The following CDKN3 variants were observed in gnomAD, a reference collection of about 807,000 sequenced individuals.
CDKN3 encodes cyclin-dependent kinase inhibitor 3.
In CDKN3, 19 loss-of-function variants were observed where a neutral mutation model predicts 36.1. The observed-to-expected ratio is 0.53, with a 90% CI of 0.37 to 0.77. CDKN3 has a LOEUF of 0.77. Ranked by LOEUF, CDKN3 falls within the 30% of genes least tolerant of loss-of-function variation. CDKN3 has a pLI of 0.00. For missense variants in CDKN3, 188 were observed against 248.6 expected (o/e 0.76, Z 1.64); for synonymous variants, 71 against 85.3 (o/e 0.83, Z 0.92).
intron 3 of CDKN3, among the ~76,000 whole-genome samples, chr14:54,406,440 A>G (rs898543618): frequency 1.3e-5 from 2 of 152,134 alleles, no homozygotes; most frequent in Non-Finnish European, 2.9e-5. Flanking sequence ...GTGTTTTCCA[A>G]CTTGGTTCCA....
Position 54,419,988 on chromosome 14 carries a change from T to C in CDKN3, c.553-4T>C. The C allele has an allele frequency of 6.3e-7, 1 of 1,577,242 alleles. No individual in the cohort carries two copies. The highest frequency in any genetic ancestry group is 8.7e-7 in the Non-Finnish European group (1 of 1,146,950). ...GTATTCCAATGTATCTTTACTTTTT[T>C]CAGCAATACAATTATCTTCATGAGT... On this transcript the variant is annotated splice_region_variant and splice_polypyrimidine_tract_variant and intron_variant, in intron 7 of 7. Coordinates refer to ENST00000335183, the MANE Select transcript of CDKN3 (RefSeq NM_005192.4).
intron 4 of CDKN3, among the ~76,000 whole-genome samples, chr14:54,409,882 C>T (rs1032091737): frequency 2.7e-5 from 4 of 149,580 alleles, no homozygotes; most frequent in Non-Finnish European, 6.0e-5. Context: ...CAGAGCAAGA[C>T]CCTGCCTCAA....
At chr14:54,413,647 C>A (rs2030434925) in intron 5 of CDKN3, 2 of 1,535,370 alleles carry the variant, frequency 1.3e-6, no homozygotes, top group African/African-American at 2.7e-5. Context: ...TATTTTCTAT[C>A]CATTCTGCCA....
At chr14:54,419,653 AG>A (rs1022461199) in intron 7 of CDKN3, among the ~76,000 whole-genome samples, 13 of 152,280 alleles carry the variant, frequency 8.5e-5, no homozygotes, top group African/African-American at 3.1e-4. Flanking sequence ...CCTTCTTACC[AG>A]GGGGGAAAAA....
chr14:54,408,706 A>G (rs1212170824), intron 3 of CDKN3, 39 bp from the exon 4 acceptor site: 1 of 1,558,112 alleles, frequency 6.4e-7, no homozygotes. Flanking sequence ...ACATATGACG[A>G]AAAACTGACT....
chr14:54,401,496 A>G lies in CDKN3; in HGVS notation c.93-28A>G, dbSNP rs758701372. On this transcript the variant is annotated intron_variant, in intron 2 of 7. Coordinates refer to ENST00000335183, the MANE Select transcript of CDKN3 (RefSeq NM_005192.4). ...TTTATAACTTTTTAAAAACTTAACT[A>G]AACATGAAAAATTTTTCTTCTTTTC... 7.0e-6 allele frequency: 11 copies of G among 1,561,302 alleles called. No homozygotes were observed. In the East Asian group the frequency reaches 2.2e-4, roughly 32 times the overall value.
At chr14:54,400,181 CT>C (rs56022133) in intron 2 of CDKN3, among the ~76,000 whole-genome samples, 143 of 137,142 alleles carry the variant, frequency 1.0e-3, no homozygotes, top group East Asian at 1.3e-3. Flanking sequence ...GAATAAGACC[CT>C]TTTTTTTTTT....
intron 3 of CDKN3, among the ~76,000 whole-genome samples, chr14:54,406,453 C>T (rs996797623): frequency 6.6e-6 from 1 of 152,132 alleles, no homozygotes; most frequent in African/African-American, 2.4e-5. Flanking sequence ...TGGTTCCATT[C>T]TCCCCGTCAC....
In CDKN3 at chr14:54,419,986, T is replaced by A. The variant is rs1566712456; in HGVS notation, c.553-6T>A. 3 of 1,572,174 alleles carry A rather than the reference T, an allele frequency of 1.9e-6. No individual in the cohort carries two copies. The highest frequency in any genetic ancestry group is 3.3e-5 in the Admixed American group (2 of 59,854). Reference sequence around the variant, plus strand: ...GTGTATTCCAATGTATCTTTACTTTTTTCAGCAATACAATTATCTTCATGA... The same window carrying A: ...GTGTATTCCAATGTATCTTTACTTTATTCAGCAATACAATTATCTTCATGA... On this transcript the variant is annotated splice_region_variant and splice_polypyrimidine_tract_variant and intron_variant, in intron 7 of 7. Coordinates refer to ENST00000335183, the MANE Select transcript of CDKN3 (RefSeq NM_005192.4).
chr14:54,419,004 C>T (rs1226349824), intron 7 of CDKN3, among the ~76,000 whole-genome samples: 2 of 151,944 alleles, frequency 1.3e-5, no homozygotes, highest in Non-Finnish European at 2.9e-5. Context: ...ACTAAAAATA[C>T]AAAAATTAGC....
intron 3 of CDKN3, among the ~76,000 whole-genome samples, chr14:54,403,586 A>AG (rs990657274): frequency 6.6e-6 from 1 of 152,152 alleles, no homozygotes; most frequent in Non-Finnish European, 1.5e-5. Flanking sequence ...GTTAAATAGG[A>AG]GTGGTGAGAG....
Position 54,411,551 on chromosome 14 carries a change from T to C in CDKN3, c.261T>C (p.Tyr87=), listed in dbSNP as rs772927261. The C allele has an allele frequency of 5.6e-6, 9 of 1,614,018 alleles. No individual in the cohort carries two copies. Among genetic ancestry groups the C allele is most frequent in the Admixed American group, 1.7e-5 (1 of 60,002 alleles). The change falls in exon 5 of 8, where the codon TAT becomes TAC. Residue 87 remains tyrosine, a synonymous_variant. Transcript: ENST00000335183. ...VFCTRGELSK[Y]RVPNLLDLYQ... The stretch of plus-strand genomic sequence containing the variant: ...GCACCAGAGGGGAACTGTCAAAATA[T>C]AGAGTCCCAAACCTTCTGGATCTCT...
chr14:54,412,383 G>GA (rs776748096), intron 5 of CDKN3, among the ~76,000 whole-genome samples: 11 of 67,580 alleles, frequency 1.6e-4, no homozygotes, highest in Non-Finnish European at 2.1e-4. Flanking sequence ...ACCCCATCTA[G>GA]AAAAAAAAAA....
intron 3 of CDKN3, among the ~76,000 whole-genome samples, chr14:54,402,239 C>T (rs973396830): frequency 6.6e-6 from 1 of 151,060 alleles, no homozygotes; most frequent in Non-Finnish European, 1.5e-5. Context: ...GTCTCCAGTT[C>T]CACCCGGGTT....
chr14:54,397,115 G>T (rs1405808976), intron 1 of CDKN3, 38 bp downstream of exon 1: 3 of 1,472,700 alleles, frequency 2.0e-6, no homozygotes, highest in Non-Finnish European at 1.8e-6. Flanking sequence ...GAGCGAGGCG[G>T]CAGGGACGCA....
intron 3 of CDKN3, among the ~76,000 whole-genome samples, chr14:54,402,641 T>C (rs2029999141): frequency 6.6e-6 from 1 of 152,214 alleles, no homozygotes; most frequent in Non-Finnish European, 1.5e-5. Flanking sequence ...ATGTCCTGAA[T>C]GGTATTGCCT....
Position 54,420,057 on chromosome 14 carries a change from A to G in CDKN3, c.618A>G (p.Gln206=), listed in dbSNP as rs1203575170. ...LAAHLSSRDS[Q]SRSVSR ...CACATCTATCATCAAGAGATTCACA[A>G]TCAAGATCTGTATCAAGATAAAGGA... The change falls in exon 8 of 8, where the codon CAA becomes CAG. Residue 206 remains glutamine (Q), a synonymous_variant. Transcript: ENST00000335183. 1 of 1,600,396 alleles carries G rather than the reference A, an allele frequency of 6.2e-7. No homozygotes were observed.
At chr14:54,405,356 CT>C (rs1175533382) in intron 3 of CDKN3, among the ~76,000 whole-genome samples, 1 of 152,128 alleles carries the variant, frequency 6.6e-6, no homozygotes, top group Non-Finnish European at 1.5e-5. Context: ...TCAATTAGGT[CT>C]GCTTGGTCCA....
Position 54,413,136 on chromosome 14 carries a change from A to G in CDKN3, c.416+1430A>G, listed in dbSNP as rs551441433. Among the ~76,000 whole-genome samples, 4 of 152,330 alleles carry G rather than the reference A, an allele frequency of 2.6e-5. No homozygotes were observed. The East Asian group carries it at 5.8e-4, about 22-fold the overall frequency. ...TAGTTTGCAGAATATGCAGTAGAGA[A>G]CTAGAAGCCATTCTACATCCTATTG... is the stretch of plus-strand genomic sequence containing the variant. On this transcript the variant is annotated intron_variant, in intron 5 of 7. Transcript: ENST00000335183.
Sources: allele counts gnomAD v4.1 joint callset (sites outside exome capture counted in the v4.1 genomes callset), GRCh38; gene constraint gnomAD v4.1.1; transcripts MANE v1.5; gene names NCBI Gene and HGNC (gene_info 2026-07-23, HGNC 2026-07-21).